CASD1: variants seen among roughly 807,000 people sequenced by gnomAD.
CASD1 encodes the protein N-acetylneuraminate (7)9-O-acetyltransferase.
A neutral mutation model predicts 100.0 loss-of-function variants in CASD1; 41 were observed. That is an observed-to-expected ratio of 0.41 (90% CI 0.32 to 0.53). The LOEUF (loss-of-function observed/expected upper bound fraction) is 0.53. CASD1 is among the 20% of genes least tolerant of loss of function. CASD1 has a pLI of 0.25. For missense variants in CASD1, 774 were observed against 948.7 expected, an observed-to-expected ratio of 0.82 and a Z score of 2.42; for synonymous variants, 321 against 315.6, an observed-to-expected ratio of 1.02 and a Z score of -0.18.
intron 5 of CASD1, among the ~76,000 whole-genome samples, chr7:94,529,717 G>C (rs1186537056): frequency 3.9e-5 from 6 of 152,132 alleles, no homozygotes; most frequent in Admixed American, 3.9e-4. Flanking sequence ...AGTAGATGGT[G>C]AATTACTGAT....
At chr7:94,619,370 T>A in the CASD1 span, 3 of 163,182 alleles carry the variant, frequency 1.8e-5, no homozygotes, top group Admixed American at 1.2e-4. Flanking sequence ...CCACAGTTTT[T>A]AATCACACTA....
chr7:94,624,922 T>C, the CASD1 span: 2 of 152,068 alleles, frequency 1.3e-5, no homozygotes, highest in Admixed American at 1.3e-4. Flanking sequence ...GAATATTTCA[T>C]ATCAGGAGGA....
the CASD1 span, among the ~76,000 whole-genome samples, chr7:94,568,223 C>A: frequency 6.6e-6 from 1 of 151,940 alleles, no homozygotes; most frequent in Non-Finnish European, 1.5e-5. Context: ...ATAAATCGTC[C>A]CATACATGTC....
At chr7:94,598,452 T>C in the CASD1 span, 1 of 278,162 alleles carries the variant, frequency 3.6e-6, no homozygotes, top group Admixed American at 4.9e-5. Flanking sequence ...CAATTTGAAA[T>C]GCTTAGGATA....
intron 10 of CASD1, among the ~76,000 whole-genome samples, chr7:94,541,843 T>A (rs1336778923): frequency 1.3e-5 from 2 of 152,046 alleles, no homozygotes; most frequent in Non-Finnish European, 2.9e-5. Flanking sequence ...AAACCATCCT[T>A]TTTTCCTAAG....
At chr7:94,536,494 T>C (rs1312364303) in intron 8 of CASD1, among the ~76,000 whole-genome samples, 4 of 152,084 alleles carry the variant, frequency 2.6e-5, no homozygotes, top group Non-Finnish European at 5.9e-5. Context: ...AAGACAATGG[T>C]TTTGTTCTTC....
intron 3 of CASD1, among the ~76,000 whole-genome samples, chr7:94,518,760 A>G (rs556725491): frequency 4.6e-5 from 7 of 152,168 alleles, no homozygotes; most frequent in African/African-American, 1.4e-4. Flanking sequence ...TCACCATTAT[A>G]TAATCAACTT....
the CASD1 span, among the ~76,000 whole-genome samples, chr7:94,563,568 T>G: frequency 5.3e-5 from 8 of 152,108 alleles, no homozygotes; most frequent in African/African-American, 1.2e-4. Flanking sequence ...TGCAAACACT[T>G]TTCCCAGTTG....
At chr7:94,516,134 T>C (rs1793967691) in intron 1 of CASD1, among the ~76,000 whole-genome samples, 1 of 131,342 alleles carries the variant, frequency 7.6e-6, no homozygotes, top group Admixed American at 8.0e-5. Flanking sequence ...AGACAGGTTA[T>C]TAAAAAATCT....
At chr7:94,602,256 T>C in the CASD1 span, among the ~76,000 whole-genome samples, 1 of 152,140 alleles carries the variant, frequency 6.6e-6, no homozygotes, top group Admixed American at 6.6e-5. Context: ...TGAGCAAATT[T>C]GCCTATAATA....
At chr7:94,586,791 C>T in the CASD1 span, 15 of 979,622 alleles carry the variant, frequency 1.5e-5, no homozygotes, top group African/African-American at 1.8e-5. Flanking sequence ...TGTGAGCCAC[C>T]GCACCCAGCC....
chr7:94,510,290 A>G (rs899800670), intron 1 of CASD1, 73 bp downstream of exon 1: 2 of 1,160,682 alleles, frequency 1.7e-6, no homozygotes, highest in African/African-American at 1.6e-5. Context: ...GGCCGCCCCC[A>G]TCGCCCAACA....
chr7:94,549,564 C>A lies in CASD1; in HGVS notation c.1745C>A (p.Pro582Gln), dbSNP rs1795846939. Residue 582 changes from proline (P) to glutamine (Q), a missense_variant, in exon 14 of 18, where the codon CCA becomes CAA. Transcript: ENST00000297273. The stretch of plus-strand genomic sequence containing the variant: ...TTTGAGAAGATCTTTTCTCTTTGGC[C>A]ATTGTCCAAGTGTTTTGAACTGAAA... ...GAFEKIFSLWPLSKCFELKGN... is the reference protein window; with the variant it reads ...GAFEKIFSLWQLSKCFELKGN... The A allele has an allele frequency of 1.2e-6, 2 of 1,610,448 alleles. No homozygotes were observed. The highest frequency in any genetic ancestry group is 2.7e-5 in the African/African-American group (2 of 74,730).
chr7:94,510,310 G>C, intron 1 of CASD1, 93 bp downstream of exon 1: 4 of 984,384 alleles, frequency 4.1e-6, no homozygotes, highest in Non-Finnish European at 4.0e-6. Context: ...ACACGCCCAC[G>C]CGGCCTTCCG....
At chr7:94,587,831 G>C in the CASD1 span, 1 of 1,535,518 alleles carries the variant, frequency 6.5e-7, no homozygotes, top group Non-Finnish European at 8.8e-7. Context: ...CACGAAAGCA[G>C]TAATAGAGAA....
rs201160488 is a variant in CASD1, at chr7:94,555,720, C to T, written c.2356C>T (p.Leu786Phe). ...TATAGCTGCATTTTTTTGTGGACTC[C>T]TCATCTTATCATCCATTCAAGATAA... Reference protein sequence around the residue: ...ACIAAFFCGLLILSSIQDKSK... With the variant: ...ACIAAFFCGLFILSSIQDKSK... The change falls in exon 18 of 18, where the codon CTC becomes TTC. Residue 786 changes from leucine to phenylalanine, a missense_variant. By Grantham distance (22) the Leu-to-Phe change is conservative. Coordinates refer to ENST00000297273, the MANE Select transcript of CASD1 (RefSeq NM_022900.5). 1.7e-4 allele frequency: 281 copies of T among 1,612,898 alleles called. 1 individual carries two copies. The highest frequency in any genetic ancestry group is 1.7e-4 in the Non-Finnish European group (206 of 1,179,476).
chr7:94,535,696 A>AATAT (rs539230958), intron 8 of CASD1, among the ~76,000 whole-genome samples, 173 bp downstream of exon 8: 223 of 152,248 alleles, frequency 1.5e-3, no homozygotes, highest in African/African-American at 5.2e-3. Flanking sequence ...CATCTAGTTG[A>AATAT]ATATATACGT....
the CASD1 span, chr7:94,598,872 T>C: frequency 6.8e-6 from 11 of 1,612,972 alleles, no homozygotes; most frequent in Admixed American, 1.7e-5. Flanking sequence ...ACAGGAAGCG[T>C]TGACAGGGGC....
chr7:94,587,960 A>G, the CASD1 span: 5 of 1,426,228 alleles, frequency 3.5e-6, no homozygotes, highest in African/African-American at 5.9e-5. Flanking sequence ...TCCACACCCA[A>G]CTTACATTTT....
Sources: allele counts gnomAD v4.1 joint callset (sites outside exome capture counted in the v4.1 genomes callset), GRCh38; gene constraint gnomAD v4.1.1; transcripts MANE v1.5; gene names NCBI Gene and HGNC (gene_info 2026-07-23, HGNC 2026-07-21).